GPC1: variants seen among roughly 807,000 people sequenced by gnomAD.
GPC1 encodes glypican-1.
In GPC1, 26 loss-of-function variants were observed where a neutral mutation model predicts 51.5. That is an observed-to-expected ratio of 0.50 (90% CI 0.37 to 0.70). The LOEUF (loss-of-function observed/expected upper bound fraction) is 0.70. GPC1 is among the 30% of genes least tolerant of loss of function. GPC1 has a pLI of 0.00. For synonymous variants in GPC1, 380 were observed against 348.3 expected (o/e 1.09, Z -1.01); for missense variants, 775 against 800.5 (o/e 0.97, Z 0.38).
intron 4 of GPC1, chr2:240,464,365 A>G (rs1574779695): frequency 7.9e-6 from 4 of 508,500 alleles, no homozygotes; most frequent in African/African-American, 1.9e-5. Context: ...AGCATGCAGA[A>G]TGGCCTCTGT....
At chr2:240,463,193 G>A (rs1191469306) in intron 3 of GPC1, among the ~76,000 whole-genome samples, 154 bp from the exon 4 acceptor site, 2 of 152,054 alleles carry the variant, frequency 1.3e-5, no homozygotes, top group African/African-American at 4.8e-5. Flanking sequence ...GGCAGGCCCT[G>A]CGAGTCAGGC....
intron 1 of GPC1, among the ~76,000 whole-genome samples, chr2:240,456,342 G>A (rs965260198): frequency 3.9e-5 from 6 of 152,090 alleles, no homozygotes; most frequent in South Asian, 2.1e-4. Context: ...TGGGTCCGCC[G>A]GGACCTCGCG....
chr2:240,449,859 ACGCCGGAG>A (rs1559196472), intron 1 of GPC1: 2 of 470,694 alleles, frequency 4.2e-6, no homozygotes, highest in Non-Finnish European at 8.8e-6. Context: ...AGGTTCCTCC[ACGCCGGAG>A]CATGTGTCAG....
rs1175598712 is a variant in GPC1, at chr2:240,457,602, C to T, written c.167-1428C>T. ...CTGCCTGCGCTGCTCCAGGCCCTGC[C>T]TGCAGTGGGGCTACAGATCCCTGCT... On this transcript the variant is annotated intron_variant, in intron 1 of 8. Coordinates refer to ENST00000264039, the MANE Select transcript of GPC1 (RefSeq NM_002081.3). 1.3e-5 allele frequency: 5 copies of T among 395,532 alleles called. No homozygotes were observed. The Admixed American group carries it at 1.3e-4, about 10-fold the overall frequency. The allele number at this position is 395,532 out of a possible 1,614,324, so 24.5% of individuals were successfully genotyped here.
In GPC1 at chr2:240,464,912, G is replaced by A. The variant is rs529467678; in HGVS notation, c.1071G>A (p.Glu357=). The change falls in exon 6 of 9, where the codon GAG becomes GAA. Residue 357 remains glutamate, a synonymous_variant. Transcript: ENST00000264039. ...KVNPQGPGPE[E]KRRRGKLAPR... ...ACCCCCAGGGCCCCGGGCCTGAGGA[G>A]AAGCGGCGCCGGGGCAAGCTGGCCC... 1.0e-4 allele frequency: 156 copies of A among 1,551,584 alleles called. No individual in the cohort carries two copies. The highest frequency in any genetic ancestry group is 7.8e-6 in the Non-Finnish European group (9 of 1,147,774).
At chr2:240,452,995 G>T in intron 1 of GPC1, 1 of 350,544 alleles carries the variant, frequency 2.9e-6, no homozygotes. Flanking sequence ...GCGCCGCCCG[G>T]AGCCGCTGGA....
chr2:240,455,327 T>C (rs934063068), intron 1 of GPC1, among the ~76,000 whole-genome samples: 5 of 152,166 alleles, frequency 3.3e-5, no homozygotes, highest in Admixed American at 1.3e-4. Context: ...ATGGGTCGGC[T>C]ACAGCAACTT....
intron 2 of GPC1, among the ~76,000 whole-genome samples, chr2:240,460,924 G>A (rs865847893): frequency 2.0e-5 from 3 of 152,270 alleles, no homozygotes; most frequent in South Asian, 4.1e-4. Flanking sequence ...AGTGGGAGGC[G>A]GTAGGAGGGG....
chr2:240,441,974 G>A (rs1157301674), intron 1 of GPC1, among the ~76,000 whole-genome samples: 1 of 152,180 alleles, frequency 6.6e-6, no homozygotes, highest in East Asian at 1.9e-4. Flanking sequence ...CACTGCCCCA[G>A]GCTCGGTAGC....
intron 7 of GPC1, 29 bp downstream of exon 7, chr2:240,465,239 T>A (rs754687375): frequency 6.3e-7 from 1 of 1,580,682 alleles, no homozygotes; most frequent in South Asian, 1.2e-5. Context: ...GGCACAGCCC[T>A]CCCTCCCATG....
In GPC1 at chr2:240,448,745, G is replaced by T. The variant is rs1419069336; in HGVS notation, c.167-10285G>T. Among the ~76,000 whole-genome samples the T allele has an allele frequency of 6.6e-6, 1 of 151,978 alleles. No individual in the cohort carries two copies. Among genetic ancestry groups the T allele is most frequent in the Non-Finnish European group, 1.5e-5 (1 of 67,976 alleles). On this transcript the variant is annotated intron_variant, in intron 1 of 8. Coordinates refer to ENST00000264039, the MANE Select transcript of GPC1 (RefSeq NM_002081.3). This position sits in a 1 kb window ranked among gnomAD's most constrained non-coding sequence, Gnocchi z 4.5. ...GGGCTGTGTGACCAGCAGCGTGACC[G>T]GCAGTTATCCCTCCCCGGACGTGGC...
intron 1 of GPC1, among the ~76,000 whole-genome samples, chr2:240,446,484 C>T (rs1574759349): frequency 6.6e-6 from 1 of 152,198 alleles, no homozygotes; most frequent in South Asian, 2.1e-4. Flanking sequence ...GTGTGACATG[C>T]AGGAATCTAG....
intron 1 of GPC1, among the ~76,000 whole-genome samples, chr2:240,447,832 C>A (rs905255965): frequency 1.2e-4 from 18 of 152,254 alleles, no homozygotes; most frequent in African/African-American, 3.9e-4. Flanking sequence ...GATGAGGGCA[C>A]TCCATGGGGA....
In GPC1 at chr2:240,435,930, G is replaced by T; in HGVS notation, c.12G>T (p.Arg4=). ...CCGCCGGCCCCGCCATGGAGCTCCG[G>T]GCCCGAGGCTGGTGGCTGCTATGTG... is the stretch of plus-strand genomic sequence containing the variant. MEL[R]ARGWWLLCAA... Residue 4 remains arginine, a synonymous_variant, in exon 1 of 9, where the codon CGG becomes CGT. Transcript: ENST00000264039. 1 of 1,263,074 alleles carries T rather than the reference G, an allele frequency of 7.9e-7. No individual in the cohort carries two copies. The highest frequency in any genetic ancestry group is 1.0e-6 in the Non-Finnish European group (1 of 1,004,488). 78.2% of individuals were successfully genotyped at this position (1,263,074 alleles called of 1,614,324 possible).
In GPC1 at chr2:240,463,334, C is replaced by A; in HGVS notation, c.718-13C>A. 6.2e-7 allele frequency: 1 copy of A among 1,611,684 alleles called. No individual in the cohort carries two copies. The highest frequency in any genetic ancestry group is 8.5e-7 in the Non-Finnish European group (1 of 1,179,248). On this transcript the variant is annotated splice_polypyrimidine_tract_variant and intron_variant, in intron 3 of 8. Transcript: ENST00000264039. ...GGGCCTCGGGGCCTGGCTTAGGGTC[C>A]CTTGCTCCCCAGGTCCCCCTGGGCC... is the stretch of plus-strand genomic sequence containing the variant.
rs1331821129 is a variant in GPC1, at chr2:240,464,975, G to C, written c.1134G>C (p.Leu378=). Residue 378 remains leucine (L), a splice_region_variant and synonymous_variant, in exon 6 of 9, where the codon CTG becomes CTC. Coordinates refer to ENST00000264039, the MANE Select transcript of GPC1 (RefSeq NM_002081.3). ...CACCTTCAGGCACGCTGGAGAAGCT[G>C]GTGAGTGGCCCCTGCGTGTCCACTG... is the stretch of plus-strand genomic sequence containing the variant. ...ERPPSGTLEK[L]VSEAKAQLRD... 1 of 1,556,170 alleles carries C rather than the reference G, an allele frequency of 6.4e-7. No homozygotes were observed. The highest frequency in any genetic ancestry group is 2.4e-5 in the East Asian group (1 of 41,514).
At chr2:240,449,577 C>T in intron 1 of GPC1, 1 of 225,676 alleles carries the variant, frequency 4.4e-6, no homozygotes, top group Non-Finnish European at 9.0e-6. Flanking sequence ...CCAGTTTAAC[C>T]ATTTTCAAGA....
In GPC1 at chr2:240,448,964, CAG is replaced by C. The variant is rs1262631962; in HGVS notation, c.167-10065_167-10064del. Among the ~76,000 whole-genome samples the C allele has an allele frequency of 3.3e-5, 5 of 152,072 alleles. No homozygotes were observed. Among genetic ancestry groups the C allele is most frequent in the East Asian group, 1.9e-4 (1 of 5,168 alleles). On this transcript the variant is annotated intron_variant, in intron 1 of 8. Coordinates refer to ENST00000264039, the MANE Select transcript of GPC1 (RefSeq NM_002081.3). The surrounding 1 kb of genome is among the most constrained non-coding windows in gnomAD (Gnocchi z 4.5). ...CTCATTTCCTCCCCTTCAGTGAGGA[CAG>C]GGGGACACTCAGGCCAGTGGAAGGA...
intron 2 of GPC1, among the ~76,000 whole-genome samples, chr2:240,460,701 AAC>A (rs1310353063): frequency 6.6e-6 from 1 of 152,110 alleles, no homozygotes; most frequent in Non-Finnish European, 1.5e-5. Context: ...TTGACCTGAA[AAC>A]ACAGACACCC....
Sources: allele counts gnomAD v4.1 joint callset (sites outside exome capture counted in the v4.1 genomes callset), GRCh38; gene constraint gnomAD v4.1.1; non-coding constraint Gnocchi (gnomAD v3.1); transcripts MANE v1.5; gene names NCBI Gene and HGNC (gene_info 2026-07-23, HGNC 2026-07-21).